The following SLC1A3 variants were observed in gnomAD, a reference collection of about 807,000 sequenced individuals.
The protein encoded by SLC1A3 is solute carrier family 1 member 3, also known as excitatory amino acid transporter 1.
SLC1A3 carries 21 observed loss-of-function variants against 48.1 expected under a neutral mutation model. The observed-to-expected ratio is 0.44, with a 90% confidence interval of 0.31 to 0.63. SLC1A3 has a LOEUF of 0.63. SLC1A3 is among the 20% of genes least tolerant of loss of function. SLC1A3 has a pLI of 0.08. For missense variants in SLC1A3, 546 were observed against 689.0 expected (o/e 0.79, Z 2.32); for synonymous variants, 239 against 251.4 (o/e 0.95, Z 0.47).
chr5:36,624,701 TA>T (rs1313419245), intron 2 of SLC1A3, among the ~76,000 whole-genome samples: 1 of 152,226 alleles, frequency 6.6e-6, no homozygotes, highest in Non-Finnish European at 1.5e-5. Context: ...CTTCTCACGT[TA>T]CTACCGATGG....
chr5:36,682,006 C>A (rs1371897151), intron 8 of SLC1A3, among the ~76,000 whole-genome samples: 5 of 152,184 alleles, frequency 3.3e-5, no homozygotes, highest in African/African-American at 1.2e-4. Context: ...CTTCTTCTTT[C>A]TCTTTCTCTG....
At chr5:36,642,164 G>C (rs1264787531) in intron 3 of SLC1A3, among the ~76,000 whole-genome samples, 1 of 152,158 alleles carries the variant, frequency 6.6e-6, no homozygotes, top group South Asian at 2.1e-4. Context: ...GCAAACATTT[G>C]GGTTTAGCTT....
At chr5:36,604,500 C>T (rs1388087690), upstream of SLC1A3, among the ~76,000 whole-genome samples, 1 of 152,164 alleles carries the variant, frequency 6.6e-6, no homozygotes, top group East Asian at 1.9e-4. Flanking sequence ...CCCAATGTTT[C>T]CCTCCAGACT....
At chr5:36,673,456 C>G (rs1742078082) in intron 4 of SLC1A3, among the ~76,000 whole-genome samples, 1 of 152,184 alleles carries the variant, frequency 6.6e-6, no homozygotes, top group Non-Finnish European at 1.5e-5. Context: ...AGTGCTTTGA[C>G]AAAGTCTCTG....
intron 3 of SLC1A3, among the ~76,000 whole-genome samples, chr5:36,661,272 C>T (rs1242079114): frequency 2.0e-5 from 3 of 152,062 alleles, no homozygotes; most frequent in Admixed American, 6.6e-5. Flanking sequence ...ATTAGCCAAG[C>T]GTGGTGGTGG....
intron 2 of SLC1A3, chr5:36,613,355 G>T (rs1185389531): frequency 1.3e-5 from 2 of 153,356 alleles, no homozygotes; most frequent in African/African-American, 4.8e-5. Flanking sequence ...TCTCCTTCAT[G>T]CTTAAAAGCA....
At position 36,686,296 on chromosome 5, in the gene SLC1A3, G is replaced by A. The variant is rs1445383980; in HGVS notation, c.*27G>A. On this transcript the variant is annotated 3_prime_UTR_variant, in exon 10 of 10. Coordinates refer to ENST00000265113, the MANE Select transcript of SLC1A3 (RefSeq NM_004172.5). ...CTAACATAAAGAAACACTTTCTTGAGCACCAGGTGTTAAAAACCATTATAA... is the reference window on the plus strand; with the variant it reads ...CTAACATAAAGAAACACTTTCTTGAACACCAGGTGTTAAAAACCATTATAA... 3 of 1,534,454 alleles carry A rather than the reference G, an allele frequency of 2.0e-6. No homozygotes were observed. Among genetic ancestry groups the A allele is most frequent in the African/African-American group, 1.4e-5 (1 of 73,306 alleles).
At chr5:36,615,212 C>A (rs548876031) in intron 2 of SLC1A3, among the ~76,000 whole-genome samples, 10 of 152,262 alleles carry the variant, frequency 6.6e-5, no homozygotes, top group African/African-American at 2.4e-4. Flanking sequence ...TCAACTAACT[C>A]GATTTTTATG....
Position 36,616,150 on chromosome 5 carries a change from G to A in SLC1A3, c.181+7546G>A, listed in dbSNP as rs573413295. Among the ~76,000 whole-genome samples, 4 of 152,152 alleles carry A rather than the reference G, an allele frequency of 2.6e-5. No homozygotes were observed. The East Asian group carries it at 5.8e-4, about 22-fold the overall frequency. ...GAGGAGGTTGCAGTGAACTGAGATC[G>A]TGCCACTGCACTCCAGCCTAGGTGA... On this transcript the variant is annotated intron_variant, in intron 2 of 9. Transcript: ENST00000265113.
chr5:36,601,302 G>A (rs1331294532), intron 1 of SLC1A3, among the ~76,000 whole-genome samples: 1 of 152,112 alleles, frequency 6.6e-6, no homozygotes, highest in Non-Finnish European at 1.5e-5. Flanking sequence ...TTGTGGCAGG[G>A]AAATCCTAAT....
intron 7 of SLC1A3, 70 bp downstream of exon 7, chr5:36,679,930 G>A (rs551365856): frequency 9.6e-7 from 1 of 1,041,568 alleles, no homozygotes; most frequent in South Asian, 1.3e-5. Context: ...GTAGGGTGTA[G>A]GAGAAGCCAT....
intron 2 of SLC1A3, among the ~76,000 whole-genome samples, chr5:36,625,419 T>A (rs541043122): frequency 6.6e-6 from 1 of 152,194 alleles, no homozygotes; most frequent in African/African-American, 2.4e-5. Flanking sequence ...ATTGTGCCAC[T>A]GCACTCCAGC....
At chr5:36,604,781 T>C (rs1424596725), upstream of SLC1A3, among the ~76,000 whole-genome samples, 5 of 151,704 alleles carry the variant, frequency 3.3e-5, no homozygotes, top group Non-Finnish European at 7.4e-5. Context: ...TTCTTGCCTA[T>C]TAACAAAAAT....
At chr5:36,631,262 A>G (rs566957352) in intron 3 of SLC1A3, among the ~76,000 whole-genome samples, 2 of 152,320 alleles carry the variant, frequency 1.3e-5, no homozygotes, top group East Asian at 1.9e-4. Context: ...TACTCTTTAA[A>G]AGAGAAAAGC....
chr5:36,663,341 G>C (rs1188773498), intron 3 of SLC1A3, among the ~76,000 whole-genome samples: 1 of 150,254 alleles, frequency 6.7e-6, no homozygotes, highest in Non-Finnish European at 1.5e-5. Flanking sequence ...TCAGCCTCTC[G>C]GGTAGCTGGG....
chr5:36,671,316 G>C (rs1418261998), intron 4 of SLC1A3, 83 bp downstream of exon 4: 2 of 962,706 alleles, frequency 2.1e-6, no homozygotes, highest in African/African-American at 3.2e-5. Flanking sequence ...CCCTGGAAGG[G>C]GTGTGTGACT....
intron 2 of SLC1A3, among the ~76,000 whole-genome samples, chr5:36,615,004 G>T (rs905481129): frequency 6.6e-6 from 1 of 152,200 alleles, no homozygotes; most frequent in African/African-American, 2.4e-5. Flanking sequence ...AAGCAAGTGT[G>T]TTCAGAACAA....
intron 6 of SLC1A3, 143 bp from the exon 7 acceptor site, chr5:36,679,484 A>T: frequency 1.4e-6 from 1 of 701,242 alleles, no homozygotes; most frequent in South Asian, 1.6e-5. Context: ...AGAAGTCCAC[A>T]GTTTCTGTAA....
At chr5:36,651,589 C>T (rs993405085) in intron 3 of SLC1A3, among the ~76,000 whole-genome samples, 1 of 137,508 alleles carries the variant, frequency 7.3e-6, no homozygotes, top group Non-Finnish European at 1.5e-5. Context: ...TGCCTGGACT[C>T]TTTTCCCCAG....
Sources: allele counts gnomAD v4.1 joint callset (sites outside exome capture counted in the v4.1 genomes callset), GRCh38; gene constraint gnomAD v4.1.1; transcripts MANE v1.5; gene names NCBI Gene and HGNC (gene_info 2026-07-23, HGNC 2026-07-21).